The following ASCC3 variants were observed in gnomAD, a reference collection of about 807,000 sequenced individuals.
ASCC3 encodes the protein ASC-1 complex subunit P200.
A neutral mutation model predicts 256.3 loss-of-function variants in ASCC3; 158 were observed. That is an observed-to-expected ratio of 0.62 (90% CI 0.54 to 0.70). ASCC3 has a LOEUF of 0.70. Among genes scored for constraint, ASCC3 ranks in the 30% least tolerant of loss-of-function variants. ASCC3 has a pLI of 0.00. For synonymous variants in ASCC3, 948 were observed against 883.4 expected (o/e 1.07, Z -1.30); for missense variants, 2,259 against 2,626.0 (o/e 0.86, Z 3.05).
intron 32 of ASCC3, 67 bp from the exon 33 acceptor site, chr6:100,605,767 A>T (rs1772853230): frequency 6.5e-7 from 1 of 1,528,362 alleles, no homozygotes; most frequent in Non-Finnish European, 9.1e-7. Context: ...TTTACTGATT[A>T]TGGCATGCTT....
chr6:100,642,049 A>G (rs1459009080), intron 24 of ASCC3, among the ~76,000 whole-genome samples: 1 of 151,874 alleles, frequency 6.6e-6, no homozygotes, highest in Non-Finnish European at 1.5e-5. Flanking sequence ...GCATTAGGTG[A>G]TATACCTAAT....
chr6:100,719,155 A>C (rs1283673885), intron 11 of ASCC3, among the ~76,000 whole-genome samples: 1 of 152,202 alleles, frequency 6.6e-6, no homozygotes, highest in African/African-American at 2.4e-5. Context: ...TTGCAGAAAC[A>C]TAACAAGGGA....
At chr6:100,546,439 C>T (rs1185430656) in intron 36 of ASCC3, among the ~76,000 whole-genome samples, 2 of 152,046 alleles carry the variant, frequency 1.3e-5, no homozygotes, top group African/African-American at 2.4e-5. Flanking sequence ...AAAAGACCAA[C>T]GTTGAAGAGC....
chr6:100,575,743 A>G (rs1379260341), intron 36 of ASCC3, among the ~76,000 whole-genome samples: 1 of 152,222 alleles, frequency 6.6e-6, no homozygotes, highest in East Asian at 1.9e-4. Flanking sequence ...TTATTGAGAC[A>G]TAAGACATTT....
intron 4 of ASCC3, among the ~76,000 whole-genome samples, chr6:100,838,542 T>A (rs1562334166): frequency 6.6e-6 from 1 of 152,066 alleles, no homozygotes. Flanking sequence ...ATTAGATAAA[T>A]TATATTTACA....
chr6:100,681,923 C>A (rs925926804), intron 13 of ASCC3, among the ~76,000 whole-genome samples: 1 of 151,796 alleles, frequency 6.6e-6, no homozygotes, highest in African/African-American at 2.4e-5. Context: ...TAAGAACTGC[C>A]ACATAGGTTC....
intron 36 of ASCC3, among the ~76,000 whole-genome samples, chr6:100,570,402 T>C (rs983055349): frequency 6.6e-6 from 1 of 152,212 alleles, no homozygotes; most frequent in African/African-American, 2.4e-5. Context: ...CAGCATGATG[T>C]TGGCTGTGGG....
At chr6:100,599,398 C>T (rs942266648) in intron 34 of ASCC3, among the ~76,000 whole-genome samples, 1 of 152,122 alleles carries the variant, frequency 6.6e-6, no homozygotes, top group Non-Finnish European at 1.5e-5. Context: ...CAAAGGAAGA[C>T]TGAGGAAATA....
intron 37 of ASCC3, among the ~76,000 whole-genome samples, chr6:100,531,569 A>AT (rs397936300): frequency 0.47 from 70,667 of 149,174 alleles, 16,730 homozygotes; most frequent in South Asian, 0.62. Flanking sequence ...TTTGGGGGGA[A>AT]TTTTTTTTTT....
chr6:100,828,784 C>G (rs1771463096), intron 4 of ASCC3, among the ~76,000 whole-genome samples: 1 of 152,048 alleles, frequency 6.6e-6, no homozygotes, highest in Non-Finnish European at 1.5e-5. Context: ...AAAGAGTGAG[C>G]AGCAGCAGGA....
intron 13 of ASCC3, among the ~76,000 whole-genome samples, chr6:100,689,104 A>G (rs555398808): frequency 6.6e-6 from 1 of 152,246 alleles, no homozygotes; most frequent in South Asian, 2.1e-4. Flanking sequence ...TGTAAATTCT[A>G]TAAACCTACA....
intron 14 of ASCC3, among the ~76,000 whole-genome samples, chr6:100,669,863 A>G (rs1226475044): frequency 6.6e-6 from 1 of 151,948 alleles, no homozygotes; most frequent in African/African-American, 2.4e-5. Context: ...ACTATCTGAA[A>G]TAAGTTTCAG....
At chr6:100,778,079 T>C (rs948653336) in intron 8 of ASCC3, among the ~76,000 whole-genome samples, 2 of 141,688 alleles carry the variant, frequency 1.4e-5, no homozygotes, top group Non-Finnish European at 3.1e-5. Flanking sequence ...ATGGATCTGA[T>C]GATGACTTAA....
intron 36 of ASCC3, among the ~76,000 whole-genome samples, chr6:100,576,687 T>C (rs1011907598): frequency 3.9e-5 from 6 of 152,010 alleles, no homozygotes; most frequent in African/African-American, 1.2e-4. Context: ...TTATTATTTT[T>C]TAATCGCTGT....
intron 4 of ASCC3, among the ~76,000 whole-genome samples, chr6:100,843,894 T>C (rs1409812847): frequency 6.6e-6 from 1 of 151,904 alleles, no homozygotes; most frequent in Non-Finnish European, 1.5e-5. Flanking sequence ...AAATAAAAGT[T>C]TGACTGTGCA....
intron 34 of ASCC3, 132 bp downstream of exon 34, chr6:100,601,678 A>G: frequency 3.0e-6 from 3 of 994,400 alleles, no homozygotes; most frequent in Non-Finnish European, 4.5e-6. Flanking sequence ...CTGATTCTTT[A>G]GACAAATTCA....
At position 100,662,260 on chromosome 6, in the gene ASCC3, C is replaced by T. The variant is rs529808789; in HGVS notation, c.2478+85G>A. 162 of 1,386,008 alleles carry T rather than the reference C, an allele frequency of 1.2e-4. 1 individual carries two copies. The Middle Eastern group carries it at 2.4e-3, about 20-fold the overall frequency. The allele number at this position is 1,386,008 out of a possible 1,614,324, so 85.9% of individuals were successfully genotyped here. On this transcript the variant is annotated intron_variant, in intron 15 of 41. Coordinates refer to ENST00000369162, the MANE Select transcript of ASCC3 (RefSeq NM_006828.4). The stretch of plus-strand genomic sequence containing the variant: ...TTCAAAGTCAAGGAAACAGCCAAAT[C>T]ACAATATTTTTCTATGTAAGTCAAC...
chr6:100,641,714 T>C (rs541799224), intron 24 of ASCC3, among the ~76,000 whole-genome samples: 1 of 152,172 alleles, frequency 6.6e-6, no homozygotes, highest in Admixed American at 6.5e-5. Context: ...CACATGCACA[T>C]GTATGTTTAC....
chr6:100,614,614 G>C (rs550092261), intron 30 of ASCC3, among the ~76,000 whole-genome samples: 2 of 152,120 alleles, frequency 1.3e-5, no homozygotes, highest in Non-Finnish European at 2.9e-5. Flanking sequence ...AAGAAGCCTG[G>C]CTCCAGTCCA....
Sources: gnomAD v4.1 joint callset for allele counts (sites outside exome capture counted in the v4.1 genomes callset) on GRCh38, gnomAD v4.1.1 for gene constraint, MANE v1.5 for transcripts, NCBI Gene and HGNC (gene_info 2026-07-23, HGNC 2026-07-21) for gene names.